Variants in RBPJ observed in about 807,000 individuals in gnomAD.
RBPJ encodes the protein recombining binding protein suppressor of hairless.
RBPJ carries 9 observed loss-of-function variants against 67.8 expected under a neutral mutation model. The ratio of observed to expected loss-of-function variants is 0.13; its 90% CI spans 0.08 to 0.23. RBPJ has a LOEUF of 0.23. RBPJ is among the 10% of genes least tolerant of loss of function. The pLI is 1.00. For synonymous variants in RBPJ, 198 were observed against 203.3 expected, an observed-to-expected ratio of 0.97 and a Z score of 0.22; for missense variants, 305 against 595.6, an observed-to-expected ratio of 0.51 and a Z score of 5.08.
intron 1 of RBPJ, among the ~76,000 whole-genome samples, chr4:26,170,555 A>G (rs73245720): frequency 7.3e-5 from 11 of 150,774 alleles, no homozygotes; most frequent in African/African-American, 1.5e-4. Flanking sequence ...AAAAAAAAAA[A>G]AGGAATGGAA....
intron 1 of RBPJ, among the ~76,000 whole-genome samples, chr4:26,185,152 A>T (rs540399446): frequency 7.9e-5 from 12 of 151,808 alleles, no homozygotes; most frequent in African/African-American, 2.9e-4. Context: ...AAAAAAAAAA[A>T]AAAGAAAAGA....
In RBPJ at chr4:26,387,378, T is replaced by C. The variant is rs375700237; in HGVS notation, c.59+987T>C. Among the ~76,000 whole-genome samples, 11 of 152,142 alleles carry C rather than the reference T, an allele frequency of 7.2e-5. No individual in the cohort carries two copies. The East Asian group carries it at 9.6e-4, about 13-fold the overall frequency. On this transcript the variant is annotated intron_variant, in intron 2 of 10. Coordinates refer to ENST00000355476, the MANE Select transcript of RBPJ (RefSeq NM_015874.6). ...AAAACAACAGCTTTGAAGTCTATAC[T>C]GAGATAATTAATCTCAGGATAAATA...
chr4:26,115,700 A>G, the RBPJ span, among the ~76,000 whole-genome samples: 6 of 152,194 alleles, frequency 3.9e-5, no homozygotes, highest in African/African-American at 1.4e-4. Flanking sequence ...AAGGAACTGT[A>G]TTACATACCT....
At chr4:26,244,368 T>C (rs1164904561) in intron 1 of RBPJ, among the ~76,000 whole-genome samples, 3 of 147,788 alleles carry the variant, frequency 2.0e-5, no homozygotes, top group African/African-American at 5.1e-5. Context: ...TGTATGCACA[T>C]ATGTGTACAC....
intron 4 of RBPJ, among the ~76,000 whole-genome samples, chr4:26,417,032 G>T (rs960984361): frequency 6.6e-6 from 1 of 152,162 alleles, no homozygotes; most frequent in African/African-American, 2.4e-5. Flanking sequence ...TATTTAAGTG[G>T]TGGGTTGATC....
At chr4:26,278,924 C>T (rs756202269) in intron 1 of RBPJ, among the ~76,000 whole-genome samples, 1 of 152,154 alleles carries the variant, frequency 6.6e-6, no homozygotes, top group Non-Finnish European at 1.5e-5. Context: ...TCTAAGGAGG[C>T]CACAGTGCCT....
At chr4:26,429,305 AC>A (rs1735984912) in intron 8 of RBPJ, among the ~76,000 whole-genome samples, 3 of 152,210 alleles carry the variant, frequency 2.0e-5, no homozygotes, top group African/African-American at 7.2e-5. Flanking sequence ...TTTTACATTT[AC>A]TCAGAAGGCT....
intron 1 of RBPJ, among the ~76,000 whole-genome samples, chr4:26,384,952 T>C (rs1171914680): frequency 1.7e-4 from 2 of 11,692 alleles, no homozygotes; most frequent in Non-Finnish European, 1.5e-4. Context: ...TCCCCTCCCC[T>C]CTCCCCTCCC....
At chr4:26,250,322 CCATT>C (rs1461574197) in intron 1 of RBPJ, among the ~76,000 whole-genome samples, 1 of 149,492 alleles carries the variant, frequency 6.7e-6, no homozygotes. Context: ...AGATCAGACT[CCATT>C]CCTTTTTTTT....
intron 2 of RBPJ, among the ~76,000 whole-genome samples, chr4:26,393,749 G>A (rs903350787): frequency 6.6e-5 from 10 of 151,446 alleles, no homozygotes; most frequent in African/African-American, 2.4e-4. Context: ...GAAAATTTTA[G>A]TATCTTTTAT....
intron 1 of RBPJ, among the ~76,000 whole-genome samples, chr4:26,252,911 T>C (rs1485316552): frequency 6.6e-6 from 1 of 152,240 alleles, no homozygotes; most frequent in Admixed American, 6.5e-5. Context: ...AGGCTGGATT[T>C]GCTTCCTGAC....
chr4:26,179,802 C>T (rs1716917292), intron 1 of RBPJ, among the ~76,000 whole-genome samples: 1 of 152,126 alleles, frequency 6.6e-6, no homozygotes, highest in African/African-American at 2.4e-5. Context: ...TTCAACCCAG[C>T]AATACCATTG....
At chr4:26,418,318 T>C (rs1734791397) in intron 4 of RBPJ, among the ~76,000 whole-genome samples, 1 of 152,222 alleles carries the variant, frequency 6.6e-6, no homozygotes, top group Admixed American at 6.5e-5. Flanking sequence ...TAGTTTTATT[T>C]GCTTATTTTC....
intron 1 of RBPJ, among the ~76,000 whole-genome samples, chr4:26,270,405 GAAAGAAAGAAAGAAAGAAAGAAAGAAA>G (rs1720859726): frequency 6.8e-5 from 4 of 58,838 alleles, no homozygotes; most frequent in Non-Finnish European, 1.7e-4. Context: ...AAGAAAGAAA[GAAAGAAAGAAAGAAAGAAAGAAAGAAA>G]GAAAGAAGAA....
intron 1 of RBPJ, among the ~76,000 whole-genome samples, chr4:26,204,435 G>A (rs992281813): frequency 1.3e-5 from 2 of 152,204 alleles, no homozygotes; most frequent in Non-Finnish European, 1.5e-5. Context: ...TGCAGAGGAA[G>A]GCGCCTTACT....
At chr4:26,419,038 G>T (rs1293183093) in intron 4 of RBPJ, among the ~76,000 whole-genome samples, 1 of 152,182 alleles carries the variant, frequency 6.6e-6, no homozygotes, top group Non-Finnish European at 1.5e-5. Flanking sequence ...GAGTGCGGTG[G>T]TGGGATCACG....
chr4:26,148,779 C>A, the RBPJ span, among the ~76,000 whole-genome samples: 6 of 152,202 alleles, frequency 3.9e-5, no homozygotes, highest in African/African-American at 1.4e-4. Flanking sequence ...GATAAACCAT[C>A]TTCCAGAAAA....
intron 1 of RBPJ, among the ~76,000 whole-genome samples, chr4:26,178,154 A>T (rs4399977): frequency 0.7 from 106,089 of 152,172 alleles, 37,788 homozygotes; most frequent in African/African-American, 0.85. Context: ...ATGTCTAGAA[A>T]CTAATATAAA....
rs1733402507 is a variant in RBPJ at position 26,406,289 on chromosome 4, T to C, written c.155+19T>C. 1 of 1,498,906 alleles carries C rather than the reference T, an allele frequency of 6.7e-7. No homozygotes were observed. The highest frequency in any genetic ancestry group is 9.3e-7 in the Non-Finnish European group (1 of 1,077,394). The allele number at this position is 1,498,906 out of a possible 1,614,324, so 92.9% of individuals were successfully genotyped here. A position where few individuals can be genotyped will look rare whatever the true frequency, so the allele number is the denominator to read the frequency against. On this transcript the variant is annotated intron_variant, in intron 3 of 10. Transcript: ENST00000355476. Reference sequence around the variant, plus strand: ...AAAAAAGGTAAGATTATTTTTCTGGTGGATAGTTAATTGTAGTTACCACAT... The same window carrying C: ...AAAAAAGGTAAGATTATTTTTCTGGCGGATAGTTAATTGTAGTTACCACAT...
Sources: allele counts gnomAD v4.1 joint callset (sites outside exome capture counted in the v4.1 genomes callset), GRCh38; gene constraint gnomAD v4.1.1; transcripts MANE v1.5; gene names NCBI Gene and HGNC (gene_info 2026-07-23, HGNC 2026-07-21).